RERE: variants seen among roughly 807,000 people sequenced by gnomAD.
RERE encodes arginine-glutamic acid dipeptide repeats protein.
A neutral mutation model predicts 146.1 loss-of-function variants in RERE; 40 were observed. The observed-to-expected ratio is 0.27, with a 90% confidence interval of 0.21 to 0.36. The LOEUF is 0.36. Ranked by LOEUF, RERE falls within the 10% of genes least tolerant of loss-of-function variation. RERE has a pLI of 1.00. For synonymous variants in RERE, 1,003 were observed against 866.0 expected (o/e 1.16, Z -2.78); for missense variants, 1,933 against 2,138.7 (o/e 0.90, Z 1.90).
At chr1:8,473,897 C>G (rs1371962181) in intron 10 of RERE, among the ~76,000 whole-genome samples, 1 of 152,196 alleles carries the variant, frequency 6.6e-6, no homozygotes, top group African/African-American at 2.4e-5. Flanking sequence ...ATGGCTCTTA[C>G]CTAACACTAT....
chr1:8,748,325 C>T (rs573258099), intron 1 of RERE, among the ~76,000 whole-genome samples: 4 of 152,262 alleles, frequency 2.6e-5, no homozygotes, highest in African/African-American at 9.6e-5. Flanking sequence ...TTATCTTAGA[C>T]TCTTCTCTCA....
intron 12 of RERE, among the ~76,000 whole-genome samples, chr1:8,384,188 C>T (rs867523210): frequency 2.1e-4 from 32 of 152,188 alleles, no homozygotes; most frequent in Admixed American, 1.2e-3. Context: ...TATTCCACAT[C>T]GTGGCTGTCC....
chr1:8,681,926 T>C lies in RERE; in HGVS notation c.-144-25485A>G, dbSNP rs1163708855. ...GGCAAATATAGTAAGTCAACTTGGT[T>C]CTGGGTTTGAGAAATAAGCACTTAA... is the stretch of plus-strand genomic sequence containing the variant. On this transcript the variant is annotated intron_variant, in intron 1 of 22. Coordinates refer to ENST00000400908, the MANE Select transcript of RERE (RefSeq NM_001042681.2). Among the ~76,000 whole-genome samples the C allele has an allele frequency of 2.0e-5, 3 of 152,214 alleles. No individual in the cohort carries two copies. In the East Asian group the frequency reaches 5.8e-4, roughly 29 times the overall value.
chr1:8,670,261 A>G (rs905894013), intron 1 of RERE, among the ~76,000 whole-genome samples: 1 of 152,240 alleles, frequency 6.6e-6, no homozygotes, highest in African/African-American at 2.4e-5. Flanking sequence ...AGGGCAGGAG[A>G]AGTCCCAGGA....
At chr1:8,400,224 G>GTA (rs1427873110) in intron 12 of RERE, among the ~76,000 whole-genome samples, 2 of 17,396 alleles carry the variant, frequency 1.1e-4, no homozygotes, top group African/African-American at 5.0e-4. Flanking sequence ...TGTGTCATAT[G>GTA]TGTGTGTGTG....
intron 12 of RERE, among the ~76,000 whole-genome samples, chr1:8,416,530 G>A (rs565020007): frequency 4.8e-5 from 7 of 146,272 alleles, no homozygotes; most frequent in Admixed American, 1.4e-4. Flanking sequence ...AGCTTGCAGT[G>A]AGCCGAGACT....
chr1:8,429,627 T>G (rs1484868271), intron 11 of RERE, among the ~76,000 whole-genome samples: 2 of 152,086 alleles, frequency 1.3e-5, no homozygotes, highest in Non-Finnish European at 2.9e-5. Context: ...CAAAATTAAC[T>G]CCCTCTGGTG....
chr1:8,587,858 G>C (rs6670508), intron 4 of RERE, among the ~76,000 whole-genome samples: 93,760 of 151,972 alleles, frequency 0.62, 29,353 homozygotes, highest in East Asian at 0.84. Flanking sequence ...TTAAAAGCTC[G>C]TACTTTGACT....
chr1:8,518,146 G>A (rs1167559943), intron 7 of RERE, among the ~76,000 whole-genome samples: 4 of 152,244 alleles, frequency 2.6e-5, no homozygotes, highest in Admixed American at 2.6e-4. Context: ...GACTGCTTAA[G>A]ATAGGCACTT....
chr1:8,648,640 T>C (rs1237019693), intron 2 of RERE, among the ~76,000 whole-genome samples: 1 of 152,200 alleles, frequency 6.6e-6, no homozygotes, highest in African/African-American at 2.4e-5. Context: ...CCAGCTTAAA[T>C]TCCATTTGCA....
intron 12 of RERE, among the ~76,000 whole-genome samples, chr1:8,372,046 A>C (rs1182248471): frequency 6.6e-6 from 1 of 152,242 alleles, no homozygotes; most frequent in Non-Finnish European, 1.5e-5. Flanking sequence ...TGCTACGGGA[A>C]GAGAACCTGT....
At chr1:8,718,811 A>G (rs1416759114) in intron 1 of RERE, among the ~76,000 whole-genome samples, 1 of 152,220 alleles carries the variant, frequency 6.6e-6, no homozygotes, top group Non-Finnish European at 1.5e-5. Flanking sequence ...AATGTGGTTA[A>G]TAACAGTACC....
chr1:8,525,926 C>G (rs1645564687), intron 7 of RERE: 1 of 1,385,714 alleles, frequency 7.2e-7, no homozygotes, highest in South Asian at 1.7e-5. Context: ...TGAGCTTGTG[C>G]TATGACCTAA....
At chr1:8,718,277 G>T (rs1458979484) in intron 1 of RERE, among the ~76,000 whole-genome samples, 1 of 152,126 alleles carries the variant, frequency 6.6e-6, no homozygotes, top group Non-Finnish European at 1.5e-5. Context: ...TAGATTTCTA[G>T]AACTTGACAA....
chr1:8,391,799 G>A (rs945687517), intron 12 of RERE, among the ~76,000 whole-genome samples: 10 of 152,290 alleles, frequency 6.6e-5, no homozygotes, highest in Admixed American at 3.9e-4. Context: ...ACTTTGGAAG[G>A]CCGAGACAGG....
intron 11 of RERE, among the ~76,000 whole-genome samples, chr1:8,451,693 T>C (rs998837847): frequency 6.6e-6 from 1 of 152,182 alleles, no homozygotes; most frequent in Non-Finnish European, 1.5e-5. Flanking sequence ...GGCATAGTCC[T>C]GATCCAGTCC....
intron 1 of RERE, among the ~76,000 whole-genome samples, chr1:8,796,036 T>C (rs963469256): frequency 6.6e-6 from 1 of 151,196 alleles, no homozygotes; most frequent in Non-Finnish European, 1.5e-5. Flanking sequence ...ATATAAATTA[T>C]GTTTTAAACT....
At chr1:8,440,179 C>CT (rs1384985391) in intron 11 of RERE, among the ~76,000 whole-genome samples, 1 of 152,376 alleles carries the variant, frequency 6.6e-6, no homozygotes, top group African/African-American at 2.4e-5. Flanking sequence ...TGTATTGAAA[C>CT]TGTCATCTTG....
intron 12 of RERE, among the ~76,000 whole-genome samples, chr1:8,389,761 C>T (rs188369546): frequency 6.6e-6 from 1 of 152,154 alleles, no homozygotes; most frequent in African/African-American, 2.4e-5. Flanking sequence ...CTGTAGTATG[C>T]GAATAAAACA....
Sources: gnomAD v4.1 joint callset for allele counts (sites outside exome capture counted in the v4.1 genomes callset) on GRCh38, gnomAD v4.1.1 for gene constraint, MANE v1.5 for transcripts, NCBI Gene and HGNC (gene_info 2026-07-23, HGNC 2026-07-21) for gene names.